Variants in CC2D2A observed in about 807,000 individuals in gnomAD.
CC2D2A encodes the protein coiled-coil and C2 domain-containing protein 2A.
In CC2D2A, 155 loss-of-function variants were observed where a neutral mutation model predicts 212.9. The ratio of observed to expected loss-of-function variants is 0.73; its 90% CI spans 0.64 to 0.83. The LOEUF (loss-of-function observed/expected upper bound fraction) is 0.83. CC2D2A is among the 40% of genes least tolerant of loss of function. The pLI is 0.00. For missense variants in CC2D2A, 1,856 were observed against 1,956.2 expected (o/e 0.95, Z 0.97); for synonymous variants, 667 against 686.5 (o/e 0.97, Z 0.44).
chr4:15,499,703 T>G (rs1715813033), intron 4 of CC2D2A, among the ~76,000 whole-genome samples: 2 of 152,118 alleles, frequency 1.3e-5, no homozygotes, highest in African/African-American at 4.8e-5. Context: ...TAAGATTATT[T>G]TTATGTTCGT....
intron 17 of CC2D2A, among the ~76,000 whole-genome samples, chr4:15,541,635 C>T (rs1718454447): frequency 6.6e-6 from 1 of 152,082 alleles, no homozygotes; most frequent in Admixed American, 6.5e-5. Flanking sequence ...AGACATATTT[C>T]AACATCACCC....
intron 11 of CC2D2A, among the ~76,000 whole-genome samples, chr4:15,521,815 T>C (rs1332922475): frequency 6.6e-6 from 1 of 152,220 alleles, no homozygotes; most frequent in African/African-American, 2.4e-5. Context: ...GACTCAGCTG[T>C]CTATCCTGCA....
intron 26 of CC2D2A, 37 bp downstream of exon 26, chr4:15,567,823 T>C: frequency 7.0e-7 from 1 of 1,418,848 alleles, no homozygotes; most frequent in Non-Finnish European, 9.6e-7. Context: ...CTATAGGACA[T>C]TTTGAAGAAA....
intron 3 of CC2D2A, among the ~76,000 whole-genome samples, 172 bp from the exon 4 acceptor site, chr4:15,480,532 G>C (rs1691433535): frequency 6.6e-6 from 1 of 152,178 alleles, no homozygotes; most frequent in South Asian, 2.1e-4. Flanking sequence ...ATTCTGGGTT[G>C]GCACCTCTTC....
intron 4 of CC2D2A, among the ~76,000 whole-genome samples, chr4:15,491,000 C>T (rs1008901193): frequency 6.6e-6 from 1 of 152,130 alleles, no homozygotes; most frequent in Non-Finnish European, 1.5e-5. Flanking sequence ...GAATTGCTCA[C>T]TCGGGGAGCT....
At chr4:15,591,548 G>C (rs1721108828) in intron 33 of CC2D2A, among the ~76,000 whole-genome samples, 1 of 152,030 alleles carries the variant, frequency 6.6e-6, no homozygotes, top group Non-Finnish European at 1.5e-5. Context: ...AAGCATTACT[G>C]CTAAAATTAG....
At chr4:15,562,442 C>T (rs1490211424) in intron 23 of CC2D2A, among the ~76,000 whole-genome samples, 1 of 150,996 alleles carries the variant, frequency 6.6e-6, no homozygotes, top group Non-Finnish European at 1.5e-5. Flanking sequence ...GATTCACTGA[C>T]TCTGTTGCTT....
intron 29 of CC2D2A, 31 bp from the exon 30 acceptor site, chr4:15,579,937 C>A: frequency 6.4e-7 from 1 of 1,551,162 alleles, no homozygotes; most frequent in Non-Finnish European, 8.9e-7. Context: ...TGTAATCATA[C>A]ATAAACTCCA....
chr4:15,515,919 A>G lies in CC2D2A; in HGVS notation c.932A>G (p.Asp311Gly), dbSNP rs375247004. ...PENVQPRFLE[D>G]EGLYTGVRPE... is the part of the protein sequence containing the mutation. ...AATGTACAGCCCAGGTTCCTGGAAG[A>G]TGAAGGCCTTTACACCGGGGTAAGA... The change falls in exon 10 of 37, where the codon GAT (aspartate) becomes GGT (glycine). Residue 311 changes from aspartate to glycine, a missense_variant. By Grantham distance (94) the Asp-to-Gly change is moderately conservative (BLOSUM62 -1). This residue lies in a region of CC2D2A where 1,512 missense variants were observed against 1,579.3 expected (regional missense o/e 0.96). Coordinates refer to ENST00000424120, the MANE Select transcript of CC2D2A (RefSeq NM_001378615.1). The G allele has an allele frequency of 1.1e-5, 17 of 1,559,160 alleles. No homozygotes were observed. In the African/African-American group the frequency reaches 2.0e-4, roughly 19 times the overall value.
At chr4:15,547,287 C>A (rs1718761818) in intron 17 of CC2D2A, among the ~76,000 whole-genome samples, 1 of 152,118 alleles carries the variant, frequency 6.6e-6, no homozygotes, top group Admixed American at 6.5e-5. Context: ...TCTATTACCT[C>A]AAACATTTAT....
At chr4:15,538,739 TATA>T (rs761472010) in intron 16 of CC2D2A, among the ~76,000 whole-genome samples, 2 of 152,242 alleles carry the variant, frequency 1.3e-5, no homozygotes, top group African/African-American at 4.8e-5. Flanking sequence ...CATTTGTACA[TATA>T]ATAATTCATA....
chr4:15,589,713 G>A (rs764479150), intron 33 of CC2D2A, 34 bp downstream of exon 33: 3 of 1,398,642 alleles, frequency 2.1e-6, no homozygotes, highest in East Asian at 5.3e-5. Context: ...AATATGGTTA[G>A]CTGTCGTTTC....
chr4:15,479,291 A>C, intron 3 of CC2D2A: 1 of 1,537,140 alleles, frequency 6.5e-7, no homozygotes, highest in South Asian at 1.2e-5. Context: ...TTCCCCTCCT[A>C]GGCTGGGAGC....
At chr4:15,540,789 C>T (rs775066062) in intron 16 of CC2D2A, 48 bp from the exon 17 acceptor site, 3 of 1,502,894 alleles carry the variant, frequency 2.0e-6, no homozygotes, top group Non-Finnish European at 2.7e-6. Context: ...TTTTGGTGAT[C>T]TTAGTAAATT....
chr4:15,480,068 T>G (rs1368576081), intron 3 of CC2D2A, among the ~76,000 whole-genome samples: 1 of 152,214 alleles, frequency 6.6e-6, no homozygotes, highest in African/African-American at 2.4e-5. Flanking sequence ...ATCTCTGTGC[T>G]TTCTACAGTG....
chr4:15,478,736 A>G lies in CC2D2A; in HGVS notation c.53A>G (p.Asn18Ser). 1 of 1,554,280 alleles carries G rather than the reference A, an allele frequency of 6.4e-7. No homozygotes were observed. The highest frequency in any genetic ancestry group is 8.7e-7 in the Non-Finnish European group (1 of 1,148,514). ...VKIITEEFIENDEDADMGRQN... is the reference protein window; with the variant it reads ...VKIITEEFIESDEDADMGRQN... ...ATTTTCACAAAGGAGTTCATTGAAA[A>G]TGATGAGGATGCAGACATGGGAAGA... is the stretch of plus-strand genomic sequence containing the variant. Residue 18 changes from asparagine to serine, a missense_variant, in exon 3 of 37, where the codon AAT (asparagine) becomes AGT (serine). Physicochemically the swap from Asn to Ser is conservative, Grantham distance 46 (BLOSUM62 1). Coordinates refer to ENST00000424120, the MANE Select transcript of CC2D2A (RefSeq NM_001378615.1).
At chr4:15,594,759 A>G (rs1721244032) in intron 33 of CC2D2A, among the ~76,000 whole-genome samples, 1 of 152,188 alleles carries the variant, frequency 6.6e-6, no homozygotes, top group South Asian at 2.1e-4. Flanking sequence ...ACAATTTACC[A>G]CATCATGCAA....
chr4:15,563,854 T>G (rs1441938859), intron 24 of CC2D2A: 1 of 237,810 alleles, frequency 4.2e-6, no homozygotes, highest in Non-Finnish European at 8.3e-6. Context: ...TTTCTCCATG[T>G]GATGGAAGTG....
intron 33 of CC2D2A, among the ~76,000 whole-genome samples, chr4:15,593,017 A>C (rs796171792): frequency 2.6e-5 from 4 of 152,290 alleles, no homozygotes; most frequent in African/African-American, 9.6e-5. Context: ...TATCTCTGCT[A>C]TTTCCCAGGT....
Sources: gnomAD v4.1 joint callset for allele counts (sites outside exome capture counted in the v4.1 genomes callset) on GRCh38, gnomAD v4.1.1 for gene constraint, gnomAD v4.1.1 regional missense constraint, MANE v1.5 for transcripts, NCBI Gene and HGNC (gene_info 2026-07-23, HGNC 2026-07-21) for gene names.